RHBDD1: variants seen among roughly 807,000 people sequenced by gnomAD.
The protein encoded by RHBDD1 is rhomboid domain containing 1, also known as rhomboid-related protein 4.
In RHBDD1, 38 loss-of-function variants were observed where a neutral mutation model predicts 36.3. The observed-to-expected ratio is 1.05, with a 90% confidence interval of 0.81 to 1.37. The LOEUF (loss-of-function observed/expected upper bound fraction) is 1.37, where lower values mean the gene tolerates loss of function less well. Among genes scored for constraint, RHBDD1 ranks in the 40% most tolerant of loss-of-function variants. The probability of loss-of-function intolerance (pLI) is 0.00; values close to 1 mark genes in which losing one functional copy is unlikely to be tolerated. For synonymous variants in RHBDD1, 151 were observed against 136.5 expected (o/e 1.11, Z -0.74); for missense variants, 393 against 377.6 (o/e 1.04, Z -0.34).
At chr2:226,820,744 C>T in the RHBDD1 span, among the ~76,000 whole-genome samples, 1 of 151,936 alleles carries the variant, frequency 6.6e-6, no homozygotes, top group East Asian at 1.9e-4. Context: ...TTGCATGAGC[C>T]CTGGAGTTTA....
intron 8 of RHBDD1, among the ~76,000 whole-genome samples, chr2:226,966,413 C>T (rs1395034900): frequency 1.3e-5 from 2 of 152,172 alleles, no homozygotes; most frequent in Admixed American, 6.5e-5. Context: ...GAAGTATCTG[C>T]AGTAACGGAC....
At chr2:226,909,259 G>T (rs1261761307) in intron 7 of RHBDD1, among the ~76,000 whole-genome samples, 1 of 152,150 alleles carries the variant, frequency 6.6e-6, no homozygotes. Flanking sequence ...TGTATATTCA[G>T]GAACCCTTGC....
chr2:226,871,731 A>G (rs1483640716), intron 5 of RHBDD1, among the ~76,000 whole-genome samples: 2 of 152,212 alleles, frequency 1.3e-5, no homozygotes, highest in Admixed American at 6.5e-5. Context: ...AGTTGGGTCT[A>G]AAGGCTTAAT....
chr2:226,855,935 C>T (rs764228856), intron 3 of RHBDD1, among the ~76,000 whole-genome samples: 1 of 152,154 alleles, frequency 6.6e-6, no homozygotes, highest in Non-Finnish European at 1.5e-5. Flanking sequence ...AAACAGAGAT[C>T]CCTACTCTAA....
chr2:226,811,202 G>A, the RHBDD1 span, among the ~76,000 whole-genome samples: 1 of 152,086 alleles, frequency 6.6e-6, no homozygotes, highest in Non-Finnish European at 1.5e-5. Flanking sequence ...CTCTAAAGCA[G>A]AGCTCAAGAT....
chr2:226,833,413 A>C (rs1331521739), upstream of RHBDD1, among the ~76,000 whole-genome samples: 1 of 152,152 alleles, frequency 6.6e-6, no homozygotes. Flanking sequence ...TCTGAGAATG[A>C]CACTTGTCTA....
chr2:226,970,914 G>GC (rs1349157591), intron 8 of RHBDD1, among the ~76,000 whole-genome samples: 2 of 152,108 alleles, frequency 1.3e-5, no homozygotes, highest in African/African-American at 2.4e-5. Context: ...TGAAAGCCCT[G>GC]CCCCACATCA....
chr2:226,974,044 T>C (rs941272435), intron 8 of RHBDD1, among the ~76,000 whole-genome samples: 2 of 152,142 alleles, frequency 1.3e-5, no homozygotes, highest in African/African-American at 4.8e-5. Flanking sequence ...TTACCCAGTT[T>C]GTCAGGCTTT....
the RHBDD1 span, among the ~76,000 whole-genome samples, chr2:226,812,343 A>C: frequency 6.6e-6 from 1 of 152,370 alleles, no homozygotes; most frequent in African/African-American, 2.4e-5. Flanking sequence ...CTGAACAAGA[A>C]GTATAAAAAT....
At chr2:226,861,785 T>TA (rs1283153833) in intron 3 of RHBDD1, among the ~76,000 whole-genome samples, 11 of 152,356 alleles carry the variant, frequency 7.2e-5, no homozygotes, top group South Asian at 2.1e-4. Flanking sequence ...ACAAAAAAGT[T>TA]ACGGTAGGTA....
rs13397509 is a variant in RHBDD1, at chr2:226,949,183, G to A, written c.856+34832G>A. On this transcript the variant is annotated intron_variant, in intron 8 of 8. Coordinates refer to ENST00000392062, the MANE Select transcript of RHBDD1 (RefSeq NM_001167608.3). The stretch of plus-strand genomic sequence containing the variant: ...CATGGATAGGAAGAATCAATATCGT[G>A]AAAATGGCCATACTGCCCAAAGTAA... 5.0e-3 allele frequency among the ~76,000 whole-genome samples: 760 copies of A among 152,304 alleles called. 5 individuals carry two copies. The highest frequency in any genetic ancestry group is 0.017 in the African/African-American group (721 of 41,556).
At chr2:226,971,054 T>C (rs2149335804) in intron 8 of RHBDD1, among the ~76,000 whole-genome samples, 1 of 152,328 alleles carries the variant, frequency 6.6e-6, no homozygotes, top group South Asian at 2.1e-4. Context: ...CTTAATTAAA[T>C]GTTTACTACT....
At chr2:226,803,617 C>T in the RHBDD1 span, among the ~76,000 whole-genome samples, 1 of 152,122 alleles carries the variant, frequency 6.6e-6, no homozygotes, top group South Asian at 2.1e-4. Flanking sequence ...ACTATGATCT[C>T]TTTTGTGGAA....
the RHBDD1 span, among the ~76,000 whole-genome samples, chr2:226,818,572 G>A: frequency 6.7e-6 from 1 of 149,792 alleles, no homozygotes; most frequent in Non-Finnish European, 1.5e-5. Context: ...CGGGTGTGGT[G>A]GCTCACACCT....
intron 5 of RHBDD1, among the ~76,000 whole-genome samples, chr2:226,886,928 G>A (rs945214262): frequency 6.6e-6 from 1 of 151,742 alleles, no homozygotes; most frequent in African/African-American, 2.4e-5. Context: ...TCATGATAAA[G>A]GCAAATTTTA....
chr2:226,937,478 AG>A (rs1275689106), intron 8 of RHBDD1, among the ~76,000 whole-genome samples: 1 of 152,054 alleles, frequency 6.6e-6, no homozygotes, highest in African/African-American at 2.4e-5. Context: ...CAGGAAATGC[AG>A]GTTTGTTAAA....
chr2:226,812,602 A>C, the RHBDD1 span, among the ~76,000 whole-genome samples: 1 of 152,156 alleles, frequency 6.6e-6, no homozygotes, highest in African/African-American at 2.4e-5. Flanking sequence ...TGGTGGGGGG[A>C]AAAGTAAGGT....
At chr2:226,848,164 G>T (rs999513060) in intron 3 of RHBDD1, among the ~76,000 whole-genome samples, 1 of 152,098 alleles carries the variant, frequency 6.6e-6, no homozygotes, top group African/African-American at 2.4e-5. Flanking sequence ...ACCAAAAGAA[G>T]TTCGGTATTT....
intron 8 of RHBDD1, 84 bp downstream of exon 8, chr2:226,914,435 A>G (rs983822074): frequency 6.9e-7 from 1 of 1,456,256 alleles, no homozygotes; most frequent in Non-Finnish European, 9.2e-7. Flanking sequence ...GTAGCAAATT[A>G]AATTTTAAAC....
Sources: gnomAD v4.1 joint callset for allele counts (sites outside exome capture counted in the v4.1 genomes callset) on GRCh38, gnomAD v4.1.1 for gene constraint, MANE v1.5 for transcripts, NCBI Gene and HGNC (gene_info 2026-07-23, HGNC 2026-07-21) for gene names.